Variants in ABCC11 observed in about 807,000 individuals in gnomAD.
ABCC11 encodes ATP binding cassette subfamily C member 11, also known as ATP-binding cassette sub-family C member 11.
A neutral mutation model predicts 149.3 loss-of-function variants in ABCC11; 135 were observed. The ratio of observed to expected loss-of-function variants is 0.90; its 90% CI spans 0.79 to 1.04. ABCC11 has a LOEUF of 1.04. ABCC11 is among the 50% of genes least tolerant of loss of function. ABCC11 has a pLI of 0.00. For missense variants in ABCC11, 1,680 were observed against 1,722.1 expected (o/e 0.98, Z 0.43); for synonymous variants, 665 against 671.4 (o/e 0.99, Z 0.15).
chr16:48,194,101 G>A lies in ABCC11; in HGVS notation c.2405-119C>T, dbSNP rs1967173984. ...TGGAAACCCTTGAGCCCCACCCAATGTGGACACCTTGGAGGAATGGGAAGA... is the reference window on the plus strand; with the variant it reads ...TGGAAACCCTTGAGCCCCACCCAATATGGACACCTTGGAGGAATGGGAAGA... On this transcript the variant is annotated intron_variant, in intron 18 of 29. Coordinates refer to ENST00000356608, the MANE Select transcript of ABCC11 (RefSeq NM_001370497.1). 1.6e-5 allele frequency: 11 copies of A among 675,576 alleles called. 1 individual carries two copies. In the South Asian group the frequency reaches 2.0e-4, roughly 12 times the overall value. 41.8% of individuals were successfully genotyped at this position (675,576 alleles called of 1,614,324 possible). A position where few individuals can be genotyped will look rare whatever the true frequency, so the allele number is the denominator to read the frequency against.
chr16:48,231,474 C>T (rs114017240), intron 2 of ABCC11, among the ~76,000 whole-genome samples: 4 of 151,760 alleles, frequency 2.6e-5, no homozygotes, highest in Non-Finnish European at 5.9e-5. Context: ...CAAGCCTGGG[C>T]AACATAGGGA....
intron 23 of ABCC11, among the ~76,000 whole-genome samples, chr16:48,182,963 T>C (rs961754826): frequency 3.3e-5 from 5 of 152,210 alleles, no homozygotes; most frequent in Middle Eastern, 3.2e-3. Flanking sequence ...TATGTGTAAA[T>C]GTGAGACTTA....
intron 1 of ABCC11, among the ~76,000 whole-genome samples, chr16:48,237,551 G>A (rs8043685): frequency 0.13 from 19,924 of 152,070 alleles, 1,623 homozygotes; most frequent in African/African-American, 0.23. Context: ...AAATCCTTAC[G>A]TTCCATTCTC....
chr16:48,175,125 C>T, intron 26 of ABCC11, 133 bp downstream of exon 26: 6 of 1,164,014 alleles, frequency 5.2e-6, no homozygotes, highest in Non-Finnish European at 5.9e-6. Flanking sequence ...GCCAGGTAGG[C>T]ATGAGTGGCC....
Position 48,213,512 on chromosome 16 carries a change from C to T in ABCC11, c.1287G>A (p.Leu429=), listed in dbSNP as rs749734352. 3 of 1,611,214 alleles carry T rather than the reference C, an allele frequency of 1.9e-6. No individual in the cohort carries two copies. The highest frequency in any genetic ancestry group is 1.7e-4 in the Middle Eastern group (1 of 6,054). The change falls in exon 10 of 30, where the codon CTG becomes CTA. Residue 429 remains leucine, a synonymous_variant. Coordinates refer to ENST00000356608, the MANE Select transcript of ABCC11 (RefSeq NM_001370497.1). ...CTGCAATAGGCACAAAGAACACTGA[C>T]AGCCGAAGGAGATTCAAGGAGGCCA... ...SMLASLNLLR[L]SVFFVPIAVK... is the part of the protein sequence containing the mutation.
rs1969246442 is a variant in ABCC11, at chr16:48,215,251, T to C, written c.1045A>G (p.Ile349Val). ...IRVTSEVLTC[I>V]KLIKMYTWEK... ...CATGTGTACATTTTAATCAGCTTAA[T>C]GCAAGTGAGAACTTCACTGGTCACA... The change falls in exon 8 of 30, where the codon ATT becomes GTT. Residue 349 changes from isoleucine (I) to valine (V), a missense_variant. By Grantham distance (29) the Ile-to-Val change is conservative (BLOSUM62 3). Coordinates refer to ENST00000356608, the MANE Select transcript of ABCC11 (RefSeq NM_001370497.1). The C allele has an allele frequency of 1.9e-6, 3 of 1,614,032 alleles. No individual in the cohort carries two copies. The highest frequency in any genetic ancestry group is 2.2e-5 in the South Asian group (2 of 91,092).
intron 23 of ABCC11, among the ~76,000 whole-genome samples, chr16:48,183,600 CA>C (rs1407818560): frequency 6.6e-6 from 1 of 152,018 alleles, no homozygotes; most frequent in Non-Finnish European, 1.5e-5. Context: ...CGTGTCTAAC[CA>C]AAAATACAAA....
At chr16:48,214,031 A>G (rs918332342) in intron 9 of ABCC11, among the ~76,000 whole-genome samples, 12 of 152,134 alleles carry the variant, frequency 7.9e-5, no homozygotes, top group African/African-American at 2.9e-4. Flanking sequence ...CCCATGCTGC[A>G]CTGTGACTAT....
chr16:48,182,697 G>C (rs943843868), intron 23 of ABCC11, among the ~76,000 whole-genome samples: 1 of 151,790 alleles, frequency 6.6e-6, no homozygotes, highest in Middle Eastern at 3.4e-3. Context: ...GCAGGAGAAT[G>C]GCATGAACCC....
intron 20 of ABCC11, among the ~76,000 whole-genome samples, chr16:48,190,094 C>T (rs537960554): frequency 6.4e-4 from 97 of 152,282 alleles, no homozygotes; most frequent in Non-Finnish European, 1.0e-3. Context: ...CTTCCCCTGC[C>T]CTCAAGCTAA....
chr16:48,185,530 T>C (rs1966702746), intron 22 of ABCC11, among the ~76,000 whole-genome samples: 1 of 152,244 alleles, frequency 6.6e-6, no homozygotes, highest in African/African-American at 2.4e-5. Context: ...GAAACTTTAA[T>C]CACAACCTTA....
Position 48,198,182 on chromosome 16 carries a change from A to G in ABCC11, c.2176T>C (p.Tyr726His). 6.2e-7 allele frequency: 1 copy of G among 1,614,094 alleles called. No individual in the cohort carries two copies. ...HSELMQKKGK[Y>H]AQLIQKMHKE... ...TGCATCTTCTGGATAAGTTGGGCAT[A>G]TTTCCCCTTTTTCTGCATTAACTCA... Residue 726 changes from tyrosine (Y) to histidine (H), a missense_variant, in exon 16 of 30, where the codon TAT becomes CAT. Physicochemically the swap from Tyr to His is moderately conservative, Grantham distance 83 (BLOSUM62 2). Transcript: ENST00000356608.
intron 2 of ABCC11, among the ~76,000 whole-genome samples, chr16:48,231,517 G>A (rs991796244): frequency 1.3e-5 from 2 of 151,890 alleles, no homozygotes; most frequent in Non-Finnish European, 2.9e-5. Context: ...TTAAAAATTA[G>A]CTGGGCGTAG....
chr16:48,185,857 C>T (rs1335855076), intron 22 of ABCC11, among the ~76,000 whole-genome samples: 4 of 152,192 alleles, frequency 2.6e-5, no homozygotes, highest in South Asian at 4.1e-4. Flanking sequence ...AGCCACCTTG[C>T]TATCCTTCAA....
chr16:48,187,135 G>C (rs1966795137), intron 21 of ABCC11, 45 bp from the exon 22 acceptor site: 1 of 1,613,802 alleles, frequency 6.2e-7, no homozygotes, highest in Non-Finnish European at 8.5e-7. Context: ...TCCACCTCTG[G>C]GACCATCTAG....
intron 1 of ABCC11, among the ~76,000 whole-genome samples, chr16:48,234,589 G>C (rs1970595865): frequency 6.6e-6 from 1 of 152,144 alleles, no homozygotes; most frequent in Non-Finnish European, 1.5e-5. Flanking sequence ...GGCTGTGCCT[G>C]GTGGTTAGCT....
chr16:48,183,227 G>A (rs989205684), intron 23 of ABCC11, among the ~76,000 whole-genome samples: 19 of 152,236 alleles, frequency 1.2e-4, no homozygotes, highest in African/African-American at 4.6e-4. Context: ...ATAAGCCCTG[G>A]GGGAAGGAGC....
At chr16:48,246,414 G>A (rs950066533) in intron 1 of ABCC11, among the ~76,000 whole-genome samples, 7 of 152,316 alleles carry the variant, frequency 4.6e-5, no homozygotes, top group Non-Finnish European at 8.8e-5. Context: ...GTCTAGGCAA[G>A]AGTGGTCATT....
rs1250964912 is a variant in ABCC11 at position 48,176,949 on chromosome 16, C to T, written c.3513G>A (p.Val1171=). 18 of 1,613,892 alleles carry T rather than the reference C, an allele frequency of 1.1e-5. No homozygotes were observed. The highest frequency in any genetic ancestry group is 1.5e-5 in the Non-Finnish European group (18 of 1,179,992). Reference sequence around the variant, plus strand: ...CAGAGCCCGTCCTTCCCACGATGCCCACCACTTCGTGGCCGCGGATGGTCA... The same window carrying T: ...CAGAGCCCGTCCTTCCCACGATGCCTACCACTTCGTGGCCGCGGATGGTCA... The part of the protein sequence containing the change: ...INLTIRGHEV[V]GIVGRTGSGK... The change falls in exon 25 of 30, where the codon GTG becomes GTA. Residue 1171 remains valine, a synonymous_variant. Coordinates refer to ENST00000356608, the MANE Select transcript of ABCC11 (RefSeq NM_001370497.1).
Sources: allele counts gnomAD v4.1 joint callset (sites outside exome capture counted in the v4.1 genomes callset), GRCh38; gene constraint gnomAD v4.1.1; transcripts MANE v1.5; gene names NCBI Gene and HGNC (gene_info 2026-07-23, HGNC 2026-07-21).